The following ZBBX variants were observed in gnomAD, a reference collection of about 807,000 sequenced individuals.
The protein encoded by ZBBX is zinc finger B-box domain-containing protein 1.
In ZBBX, 101 loss-of-function variants were observed where a neutral mutation model predicts 108.5. The ratio of observed to expected loss-of-function variants is 0.93; its 90% CI spans 0.79 to 1.10. ZBBX has a LOEUF of 1.10. Ranked by LOEUF, ZBBX falls within the 50% of genes least tolerant of loss-of-function variation. The pLI is 0.00. For missense variants in ZBBX, 1,009 were observed against 941.4 expected, an observed-to-expected ratio of 1.07 and a Z score of -0.94; for synonymous variants, 356 against 323.4, an observed-to-expected ratio of 1.10 and a Z score of -1.08.
chr3:167,315,707 AGGG>A (rs780162335), intron 15 of ZBBX, 40 bp downstream of exon 15: 140 of 1,349,740 alleles, frequency 1.0e-4, no homozygotes, highest in Non-Finnish European at 1.4e-4. Context: ...GTGTGTCAGG[AGGG>A]GGCTCAATAT....
intron 20 of ZBBX, among the ~76,000 whole-genome samples, chr3:167,270,757 G>C (rs2108470006): frequency 6.6e-6 from 1 of 152,282 alleles, no homozygotes; most frequent in South Asian, 2.1e-4. Context: ...AAAGCTGGGA[G>C]GTGGCTTACT....
chr3:167,334,081 A>G, intron 9 of ZBBX, 96 bp from the exon 10 acceptor site: 3 of 801,482 alleles, frequency 3.7e-6, no homozygotes, highest in Non-Finnish European at 5.4e-6. Flanking sequence ...TATGACTCCC[A>G]GAATTAAATA....
In ZBBX at chr3:167,328,051, C is replaced by T. The variant is rs778353335; in HGVS notation, c.753G>A (p.Gly251=). Residue 251 remains glycine (G), a synonymous_variant, in exon 11 of 22, where the codon GGG becomes GGA. Coordinates refer to ENST00000675490, the MANE Select transcript of ZBBX (RefSeq NM_001199201.2). ...TKPRKSLLCE[G]SFDEEASAQS... Reference sequence around the variant, plus strand: ...GTGCAGAAGCTTCTTCATCGAATGACCCTTCACACAACAGACTCTTTCTTG... The same window carrying T: ...GTGCAGAAGCTTCTTCATCGAATGATCCTTCACACAACAGACTCTTTCTTG... 6.2e-7 allele frequency: 1 copy of T among 1,613,870 alleles called. No homozygotes were observed. Among genetic ancestry groups the T allele is most frequent in the South Asian group, 1.1e-5 (1 of 91,060 alleles).
intron 1 of ZBBX, among the ~76,000 whole-genome samples, chr3:167,394,143 A>AACACAAGTTGAT (rs1748160538): frequency 6.6e-6 from 1 of 151,960 alleles, no homozygotes; most frequent in Non-Finnish European, 1.5e-5. Flanking sequence ...GTATAAATTC[A>AACACAAGTTGAT]GATGGCATTT....
intron 1 of ZBBX, among the ~76,000 whole-genome samples, chr3:167,386,253 A>G (rs1042339871): frequency 6.6e-6 from 1 of 152,082 alleles, no homozygotes; most frequent in Admixed American, 6.6e-5. Flanking sequence ...CTTCCTGAAG[A>G]CTAGCTACAT....
chr3:167,268,013 C>G (rs777650083), intron 20 of ZBBX, among the ~76,000 whole-genome samples: 3 of 152,106 alleles, frequency 2.0e-5, no homozygotes, highest in Non-Finnish European at 4.4e-5. Context: ...TCCCTCTCAG[C>G]CTAAGTGCCC....
chr3:167,354,154 T>G (rs972796734), intron 8 of ZBBX, among the ~76,000 whole-genome samples: 2 of 151,922 alleles, frequency 1.3e-5, no homozygotes, highest in African/African-American at 4.8e-5. Flanking sequence ...TTGTTGAATA[T>G]CTTGTGTTTT....
intron 8 of ZBBX, among the ~76,000 whole-genome samples, chr3:167,351,154 T>C (rs1021951482): frequency 6.6e-6 from 1 of 152,048 alleles, no homozygotes; most frequent in Non-Finnish European, 1.5e-5. Context: ...TGTTAATAAC[T>C]GATAAAATGA....
At chr3:167,295,321 A>G (rs902212489) in intron 18 of ZBBX, among the ~76,000 whole-genome samples, 5 of 152,142 alleles carry the variant, frequency 3.3e-5, no homozygotes, top group African/African-American at 9.7e-5. Context: ...CTGGATAAAG[A>G]AAGTGTGGTA....
intron 8 of ZBBX, among the ~76,000 whole-genome samples, chr3:167,353,604 A>G (rs1370691145): frequency 6.6e-6 from 1 of 152,052 alleles, no homozygotes; most frequent in Non-Finnish European, 1.5e-5. Flanking sequence ...ATCACTACAC[A>G]ATATATCCAG....
At chr3:167,325,764 A>G (rs1737269836) in intron 11 of ZBBX, among the ~76,000 whole-genome samples, 1 of 152,194 alleles carries the variant, frequency 6.6e-6, no homozygotes. Flanking sequence ...TATGTAAAAC[A>G]TTACTTGTGC....
chr3:167,317,343 A>C, intron 13 of ZBBX, 145 bp downstream of exon 13: 1 of 678,132 alleles, frequency 1.5e-6, no homozygotes. Context: ...GTGAGTGTAC[A>C]TGATTTTCAT....
chr3:167,190,602 G>C, the ZBBX span, among the ~76,000 whole-genome samples: 1 of 151,956 alleles, frequency 6.6e-6, no homozygotes, highest in Non-Finnish European at 1.5e-5. Context: ...GGATGGTCTC[G>C]ATCTCCCGAC....
At chr3:167,319,784 A>G (rs1736109669) in intron 12 of ZBBX, among the ~76,000 whole-genome samples, 1 of 152,032 alleles carries the variant, frequency 6.6e-6, no homozygotes, top group South Asian at 2.1e-4. Flanking sequence ...GTATACATAC[A>G]TATATATTTT....
At chr3:167,307,760 T>C (rs1044312884) in intron 16 of ZBBX, among the ~76,000 whole-genome samples, 5 of 152,242 alleles carry the variant, frequency 3.3e-5, no homozygotes, top group South Asian at 2.1e-4. Flanking sequence ...TGGCTAGCCA[T>C]ATGCTGAAGA....
intron 20 of ZBBX, among the ~76,000 whole-genome samples, chr3:167,273,762 CACA>C (rs886105094): frequency 1.3e-5 from 2 of 152,132 alleles, no homozygotes; most frequent in African/African-American, 2.4e-5. Flanking sequence ...AAAGAAAAAA[CACA>C]ACGCCACAAA....
chr3:167,265,971 G>A (rs559732680), intron 20 of ZBBX, among the ~76,000 whole-genome samples: 1 of 152,338 alleles, frequency 6.6e-6, no homozygotes, highest in South Asian at 2.1e-4. Context: ...AGGAGGTGGG[G>A]GAAGGGTGGC....
chr3:167,390,688 A>G (rs1693650780), intron 1 of ZBBX, among the ~76,000 whole-genome samples: 3 of 151,898 alleles, frequency 2.0e-5, no homozygotes, highest in Non-Finnish European at 1.5e-5. Context: ...TGTAGTTTTC[A>G]TTGAAGAGGT....
the ZBBX span, among the ~76,000 whole-genome samples, chr3:167,179,827 A>G: frequency 6.6e-6 from 1 of 152,232 alleles, no homozygotes; most frequent in African/African-American, 2.4e-5. Context: ...GAATCCAATT[A>G]GTTAATTTCA....
Sources: gnomAD v4.1 joint callset for allele counts (sites outside exome capture counted in the v4.1 genomes callset) on GRCh38, gnomAD v4.1.1 for gene constraint, MANE v1.5 for transcripts, NCBI Gene and HGNC (gene_info 2026-07-23, HGNC 2026-07-21) for gene names.